ZNF875: variants seen among roughly 807,000 people sequenced by gnomAD.
ZNF875 encodes zinc finger protein 875.
Under a neutral mutation model 11.2 loss-of-function variants are expected in ZNF875, and 14 were observed. The ratio of observed to expected loss-of-function variants is 1.26; its 90% CI spans 0.83 to 1.96. The LOEUF (loss-of-function observed/expected upper bound fraction) is 1.96, where lower values mean the gene tolerates loss of function less well. Among genes scored for constraint, ZNF875 ranks in the 30% most tolerant of loss-of-function variants. ZNF875 has a pLI of 0.00. For missense variants in ZNF875, 752 were observed against 760.4 expected (o/e 0.99, Z 0.13); for synonymous variants, 301 against 281.1 (o/e 1.07, Z -0.71).
intron 4 of ZNF875, among the ~76,000 whole-genome samples, chr19:37,357,702 T>G (rs2039146706): frequency 6.6e-6 from 1 of 152,178 alleles, no homozygotes; most frequent in African/African-American, 2.4e-5. Flanking sequence ...ATCCTGGAAC[T>G]TTACTGAATT....
intron 2 of ZNF875, among the ~76,000 whole-genome samples, chr19:37,336,144 A>G (rs939716779): frequency 6.6e-6 from 1 of 152,216 alleles, no homozygotes; most frequent in African/African-American, 2.4e-5. Context: ...TCCTAGAAGT[A>G]GGGCTGTCTC....
chr19:37,362,594 C>T lies in ZNF875; in HGVS notation c.742C>T (p.Gln248Ter), dbSNP rs768452915. The T allele has an allele frequency of 5.6e-6, 9 of 1,613,974 alleles. No homozygotes were observed. In the East Asian group the frequency reaches 8.9e-5, roughly 16 times the overall value. The change falls in exon 5 of 5, where the codon CAA becomes TAA. Residue 248 changes from glutamine (Q) to a stop codon, truncating the protein, a stop_gained. Coordinates refer to ENST00000392153, the MANE Select transcript of ZNF875 (RefSeq NM_001353803.2). LOFTEE classifies it low-confidence loss of function (END_TRUNC). ...AAACCTCCTTAGCCTCCAGAAGACA[C>T]AAACTGGGGAGACACCTTACATGTA... ...ESNLLSLQKT[Q>*]TGETPYMYTE...
chr19:37,334,238 G>A (rs1345390444), upstream of ZNF875, among the ~76,000 whole-genome samples: 1 of 152,100 alleles, frequency 6.6e-6, no homozygotes, highest in Non-Finnish European at 1.5e-5. Context: ...GCAGAGCATC[G>A]TCTCTCCCTG....
At position 37,363,546 on chromosome 19, in the gene ZNF875, G is replaced by A. The variant is rs775229107; in HGVS notation, c.1694G>A (p.Cys565Tyr). The A allele has an allele frequency of 2.5e-6, 4 of 1,613,396 alleles. No individual in the cohort carries two copies. The South Asian group carries it at 4.4e-5, about 18-fold the overall frequency. The change falls in exon 5 of 5, where the codon TGT becomes TAT. Residue 565 changes from cysteine (C) to tyrosine (Y), a missense_variant. Physicochemically the swap from Cys to Tyr is radical, Grantham distance 194. Coordinates refer to ENST00000392153, the MANE Select transcript of ZNF875 (RefSeq NM_001353803.2). ...TCAGGTGCCTTTGTGTGCAGGGAGTGTGGGCAAGGCTTTTGTGCTAAGTTA... is the reference window on the plus strand; with the variant it reads ...TCAGGTGCCTTTGTGTGCAGGGAGTATGGGCAAGGCTTTTGTGCTAAGTTA... ...AHSGAFVCRECGQGFCAKLTL... is the reference protein window; with the variant it reads ...AHSGAFVCREYGQGFCAKLTL...
At chr19:37,343,718 T>C (rs1315595175) in intron 2 of ZNF875, among the ~76,000 whole-genome samples, 1 of 152,104 alleles carries the variant, frequency 6.6e-6, no homozygotes, top group Non-Finnish European at 1.5e-5. Flanking sequence ...TTTGCTGGTG[T>C]CCCACTGGAT....
At chr19:37,320,089 G>A (rs776762830) in intron 1 of ZNF875, among the ~76,000 whole-genome samples, 1 of 151,980 alleles carries the variant, frequency 6.6e-6, no homozygotes, top group Non-Finnish European at 1.5e-5. Flanking sequence ...GGGTTTCACC[G>A]TGGTCTCGAT....
intron 2 of ZNF875, chr19:37,346,941 G>T (rs924904635): frequency 5.4e-6 from 2 of 369,266 alleles, no homozygotes; most frequent in South Asian, 2.4e-5. Context: ...TCGGCTTACC[G>T]CAAGTAACTG....
At chr19:37,328,939 G>A in intron 4 of ZNF875, 1 of 152,236 alleles carries the variant, frequency 6.6e-6, no homozygotes. Flanking sequence ...TGTGGTCCTT[G>A]GACCAATAGT....
chr19:37,361,848 C>T (rs35085437), intron 4 of ZNF875: 69,264 of 366,898 alleles, frequency 0.19, 7,511 homozygotes, highest in African/African-American at 0.28. Flanking sequence ...ACCCTGGAGG[C>T]GGAGGTTGCA....
At chr19:37,320,904 A>C (rs1295258070) in intron 1 of ZNF875, among the ~76,000 whole-genome samples, 1 of 152,152 alleles carries the variant, frequency 6.6e-6, no homozygotes, top group African/African-American at 2.4e-5. Flanking sequence ...AGATGCTGTT[A>C]ATCTGTAACC....
rs201374559 is a variant in ZNF875 at position 37,362,157 on chromosome 19, C to G, written c.305C>G (p.Ser102Cys). ...AGTCCCTCCTGCCCTCTGATTTTCT[C>G]CAGTCAGCAAGCTCTCAGCCAACAT... ...QLSPSCPLIF[S>C]SQQALSQHVW... The change falls in exon 5 of 5, where the codon TCC becomes TGC. Residue 102 changes from serine (S) to cysteine (C), a missense_variant. Ser to Cys is a moderately radical substitution (Grantham distance 112). Coordinates refer to ENST00000392153, the MANE Select transcript of ZNF875 (RefSeq NM_001353803.2). 26 of 1,614,036 alleles carry G rather than the reference C, an allele frequency of 1.6e-5. No homozygotes were observed. The highest frequency in any genetic ancestry group is 2.1e-5 in the Non-Finnish European group (25 of 1,179,982).
At chr19:37,355,194 T>C (rs1217338434) in intron 4 of ZNF875, among the ~76,000 whole-genome samples, 1 of 152,206 alleles carries the variant, frequency 6.6e-6, no homozygotes. Flanking sequence ...TCTTTGTTTT[T>C]GTTTTTGTTT....
At chr19:37,344,952 T>G in intron 2 of ZNF875, 1 of 580,088 alleles carries the variant, frequency 1.7e-6, no homozygotes, top group Non-Finnish European at 3.2e-6. Flanking sequence ...GATGAACAGT[T>G]TCAGACATAT....
chr19:37,332,443 C>T (rs1012115002), upstream of ZNF875, among the ~76,000 whole-genome samples: 2 of 152,138 alleles, frequency 1.3e-5, no homozygotes, highest in Non-Finnish European at 2.9e-5. Context: ...TCTCGAACTC[C>T]CGACCTCAGG....
At chr19:37,314,108 T>C (rs1171774316), upstream of ZNF875, among the ~76,000 whole-genome samples, 1 of 152,068 alleles carries the variant, frequency 6.6e-6, no homozygotes, top group East Asian at 1.9e-4. Context: ...CTAAAAAAAA[T>C]TCTAATTAAA....
upstream of ZNF875, among the ~76,000 whole-genome samples, chr19:37,333,301 C>A (rs1365674216): frequency 7.0e-6 from 1 of 142,060 alleles, no homozygotes; most frequent in Non-Finnish European, 1.5e-5. Flanking sequence ...ATTTGTGCTT[C>A]TTAAATCCCA....
chr19:37,327,011 G>A (rs76387365), intron 4 of ZNF875, among the ~76,000 whole-genome samples: 2 of 148,150 alleles, frequency 1.3e-5, no homozygotes, highest in South Asian at 2.1e-4. Flanking sequence ...TTTTTTTTTC[G>A]AGATGAAGTC....
intron 4 of ZNF875, among the ~76,000 whole-genome samples, chr19:37,348,365 ATTT>A: frequency 6.6e-6 from 1 of 151,986 alleles, no homozygotes; most frequent in Non-Finnish European, 1.5e-5. Context: ...CGAAACCCCT[ATTT>A]CCCCTTCCCT....
At chr19:37,353,216 A>T (rs893706314) in intron 4 of ZNF875, among the ~76,000 whole-genome samples, 1 of 152,176 alleles carries the variant, frequency 6.6e-6, no homozygotes, top group African/African-American at 2.4e-5. Context: ...CTATCTAGCT[A>T]TGTATCTGCC....
Sources: allele counts gnomAD v4.1 joint callset (sites outside exome capture counted in the v4.1 genomes callset), GRCh38; gene constraint gnomAD v4.1.1; transcripts MANE v1.5; gene names NCBI Gene and HGNC (gene_info 2026-07-23, HGNC 2026-07-21).